PRSS21: variants seen among roughly 807,000 people sequenced by gnomAD.
PRSS21 encodes the protein testisin.
In PRSS21, 40 loss-of-function variants were observed where a neutral mutation model predicts 31.1. The ratio of observed to expected loss-of-function variants is 1.29; its 90% confidence interval spans 1.00 to 1.68. The LOEUF is 1.68. Ranked by LOEUF, PRSS21 falls within the 40% of genes most tolerant of loss-of-function variation. The pLI is 0.00. For synonymous variants in PRSS21, 186 were observed against 167.7 expected (o/e 1.11, Z -0.84); for missense variants, 467 against 412.6 (o/e 1.13, Z -1.14).
chr16:2,821,610 A>T lies in PRSS21; in HGVS notation c.*5A>T. 3 of 1,608,320 alleles carry T rather than the reference A, an allele frequency of 1.9e-6. No homozygotes were observed. The highest frequency in any genetic ancestry group is 2.5e-6 in the Non-Finnish European group (3 of 1,177,202). On this transcript the variant is annotated 3_prime_UTR_variant, in exon 6 of 6. Coordinates refer to ENST00000005995, the MANE Select transcript of PRSS21 (RefSeq NM_006799.4). The stretch of plus-strand genomic sequence containing the variant: ...CCACTCCTGGGGCCGGTCTGAGCCT[A>T]CCTGAGCCCATGCAGCCTGGGGCCA...
chr16:2,818,722 C>A lies in PRSS21; in HGVS notation c.303C>A (p.Gly101=), dbSNP rs374437810. The change falls in exon 4 of 6, where the codon GGC becomes GGA. Residue 101 remains glycine (G), a synonymous_variant. Coordinates refer to ENST00000005995, the MANE Select transcript of PRSS21 (RefSeq NM_006799.4). The part of the protein sequence containing the change: ...SDPSGWMVQF[G]QLTSMPSFWS... ...CCTCCGGGTGGATGGTCCAGTTTGG[C>A]CAGCTGACTTCCATGCCATCCTTCT... 2.5e-6 allele frequency: 4 copies of A among 1,614,058 alleles called. No homozygotes were observed. Among genetic ancestry groups the A allele is most frequent in the African/African-American group, 1.3e-5 (1 of 74,938 alleles).
At position 2,818,680 on chromosome 16, in the gene PRSS21, T is replaced by C. The variant is rs1022728407; in HGVS notation, c.261T>C (p.Tyr87=). The part of the protein sequence containing the change: ...ALTAAHCFET[Y]SDLSDPSGWM... ...CTGCTCTCTTCTCTTCTGCCAGCTA[T>C]AGTGACCTTAGTGATCCCTCCGGGT... is the stretch of plus-strand genomic sequence containing the variant. Residue 87 remains tyrosine (Y), a synonymous_variant, in exon 4 of 6, where the codon TAT becomes TAC. Transcript: ENST00000005995. 2 of 1,613,916 alleles carry C rather than the reference T, an allele frequency of 1.2e-6. No homozygotes were observed. The highest frequency in any genetic ancestry group is 1.7e-6 in the Non-Finnish European group (2 of 1,179,818).
chr16:2,820,014 C>T (rs1466361376), intron 4 of PRSS21, among the ~76,000 whole-genome samples: 1 of 152,182 alleles, frequency 6.6e-6, no homozygotes, highest in Non-Finnish European at 1.5e-5. Context: ...GCTGCCTCTG[C>T]CACCCTCTCT....
chr16:2,817,758 G>A lies in PRSS21; in HGVS notation c.92-43G>A. The A allele has an allele frequency of 2.0e-6, 3 of 1,538,438 alleles. No homozygotes were observed. The highest frequency in any genetic ancestry group is 2.6e-6 in the Non-Finnish European group (3 of 1,140,780). On this transcript the variant is annotated intron_variant, in intron 2 of 5. Coordinates refer to ENST00000005995, the MANE Select transcript of PRSS21 (RefSeq NM_006799.4). This position sits in a 1 kb window ranked among gnomAD's most constrained non-coding sequence, Gnocchi z 4.2. ...GGAGAAAGGGAGAGGTCGGGCTTGG[G>A]GGGCTGCCTCCCGCGGCTCAGCAGT...
chr16:2,821,282 A>G, intron 5 of PRSS21, 84 bp from the exon 6 acceptor site: 1 of 1,563,424 alleles, frequency 6.4e-7, no homozygotes, highest in Non-Finnish European at 8.7e-7. Flanking sequence ...CAGTCTACCC[A>G]GCCCCATAGC....
In PRSS21 at chr16:2,817,613, G is replaced by C; in HGVS notation, c.91+157G>C. 3 of 1,288,438 alleles carry C rather than the reference G, an allele frequency of 2.3e-6. No individual in the cohort carries two copies. Among genetic ancestry groups the C allele is most frequent in the Non-Finnish European group, 3.1e-6 (3 of 953,292 alleles). 79.8% of individuals were successfully genotyped at this position (1,288,438 alleles called of 1,614,324 possible). A position where few individuals can be genotyped will look rare whatever the true frequency, so the allele number is the denominator to read the frequency against. ...GGAAAGTAACTAACGGACGCTGGAG[G>C]GGGATGGGCGGGCCCTGCAGAGCAC... On this transcript the variant is annotated intron_variant, in intron 2 of 5. Coordinates refer to ENST00000005995, the MANE Select transcript of PRSS21 (RefSeq NM_006799.4). This position sits in a 1 kb window ranked among gnomAD's most constrained non-coding sequence, Gnocchi z 4.2.
rs565850374 is a variant in PRSS21 at position 2,820,633 on chromosome 16, C to T, written c.551-322C>T. On this transcript the variant is annotated intron_variant, in intron 4 of 5. Transcript: ENST00000005995. ...TGGCTTTGGATGCTCATCTGAACAC[C>T]GTCTCAGCTGCCTTCGCCCCTCCCT... 2.6e-5 allele frequency among the ~76,000 whole-genome samples: 4 copies of T among 152,308 alleles called. No individual in the cohort carries two copies. In the East Asian group the frequency reaches 7.7e-4, roughly 29 times the overall value.
rs765693159 is a variant in PRSS21, at chr16:2,821,084, C to A, written c.680C>A (p.Ala227Asp). The stretch of plus-strand genomic sequence containing the variant: ...GGAGACATGGTTTGTGCTGGCAATG[C>A]CCAAGGCGGGAAGGATGCCTGCTTC... ...IFGDMVCAGNAQGGKDACFGD... is the reference protein window; with the variant it reads ...IFGDMVCAGNDQGGKDACFGD... The change falls in exon 5 of 6, where the codon GCC (alanine) becomes GAC (aspartate). Residue 227 changes from alanine to aspartate, a missense_variant. Coordinates refer to ENST00000005995, the MANE Select transcript of PRSS21 (RefSeq NM_006799.4). 8.7e-6 allele frequency: 14 copies of A among 1,613,976 alleles called. No individual in the cohort carries two copies. The highest frequency in any genetic ancestry group is 1.2e-5 in the Non-Finnish European group (14 of 1,180,036).
At chr16:2,818,098 C>A in intron 3 of PRSS21, 132 bp downstream of exon 3, 1 of 1,171,276 alleles carries the variant, frequency 8.5e-7, no homozygotes, top group Non-Finnish European at 1.2e-6. Context: ...GCCTGGTGTT[C>A]TCCTGAGCCC....
Position 2,817,836 on chromosome 16 carries a change from G to T in PRSS21, c.127G>T (p.Val43Leu), listed in dbSNP as rs376323578. ...CGRRVITSRI[V>L]GGEDAELGRW... ...CCGACGGGTCATCACGTCGCGCATCGTGGGTGGAGAGGACGCCGAACTCGG... is the reference window on the plus strand; with the variant it reads ...CCGACGGGTCATCACGTCGCGCATCTTGGGTGGAGAGGACGCCGAACTCGG... The change falls in exon 3 of 6, where the codon GTG (valine) becomes TTG (leucine). Residue 43 changes from valine to leucine, a missense_variant. Transcript: ENST00000005995. This position sits in a 1 kb window ranked among gnomAD's most constrained non-coding sequence, Gnocchi z 4.2. 6.4e-7 allele frequency: 1 copy of T among 1,551,292 alleles called. No homozygotes were observed. Among genetic ancestry groups the T allele is most frequent in the Non-Finnish European group, 8.7e-7 (1 of 1,147,538 alleles).
rs1007128468 is a variant in PRSS21, at chr16:2,821,164, C to T, written c.705+55C>T. 9 of 1,602,984 alleles carry T rather than the reference C, an allele frequency of 5.6e-6. No individual in the cohort carries two copies. The African/African-American group carries it at 9.4e-5, about 17-fold the overall frequency. ...AGGAAAGCATCCTGTGTCCCTGTGC[C>T]TTATTTGACCCTCATGCCAACCCCG... On this transcript the variant is annotated intron_variant, in intron 5 of 5. Transcript: ENST00000005995.
At position 2,820,947 on chromosome 16, in the gene PRSS21, C is replaced by T. The variant is rs1419978932; in HGVS notation, c.551-8C>T. Reference sequence around the variant, plus strand: ...CTGTCTCTCTCCTTCCCACTATCGTCCGCACAGCACTGCCATCTCCCCACA... The same window carrying T: ...CTGTCTCTCTCCTTCCCACTATCGTTCGCACAGCACTGCCATCTCCCCACA... On this transcript the variant is annotated splice_region_variant and splice_polypyrimidine_tract_variant and intron_variant, in intron 4 of 5. Transcript: ENST00000005995. 1 of 1,612,644 alleles carries T rather than the reference C, an allele frequency of 6.2e-7. No individual in the cohort carries two copies.
chr16:2,820,810 G>T (rs1045823603), intron 4 of PRSS21, 145 bp from the exon 5 acceptor site: 17 of 799,930 alleles, frequency 2.1e-5, no homozygotes, highest in Admixed American at 1.4e-4. Context: ...GTTGTGCTGG[G>T]GTCTGGGTTG....
At position 2,818,851 on chromosome 16, in the gene PRSS21, T is replaced by A. The variant is rs35976735; in HGVS notation, c.432T>A (p.Ser144=). The change falls in exon 4 of 6, where the codon TCT becomes TCA. Residue 144 remains serine (S), a synonymous_variant. Transcript: ENST00000005995. ...ATGACATTGCCTTGGTGAAGCTGTC[T>A]GCACCTGTCACCTACACTAAACACA... ...SPYDIALVKL[S]APVTYTKHIQ... The A allele has an allele frequency of 2.2e-4, 352 of 1,613,988 alleles. No homozygotes were observed. In the African/African-American group the frequency reaches 3.9e-3, roughly 18 times the overall value.
rs775980230 is a variant in PRSS21 at position 2,818,667 on chromosome 16, C to T, written c.258-10C>T. The T allele has an allele frequency of 8.1e-6, 13 of 1,612,528 alleles. No individual in the cohort carries two copies. In the African/African-American group the frequency reaches 1.3e-4, roughly 17 times the overall value. ...CCAGGGCCCCTGACTGCTCTCTTCT[C>T]TTCTGCCAGCTATAGTGACCTTAGT... On this transcript the variant is annotated splice_polypyrimidine_tract_variant and intron_variant, in intron 3 of 5. Coordinates refer to ENST00000005995, the MANE Select transcript of PRSS21 (RefSeq NM_006799.4).
intron 3 of PRSS21, 127 bp downstream of exon 3, chr16:2,818,093 G>C: frequency 8.2e-7 from 1 of 1,212,946 alleles, no homozygotes; most frequent in East Asian, 2.6e-5. Context: ...ATGCGGCCTG[G>C]TGTTCTCCTG....
At position 2,817,851 on chromosome 16, in the gene PRSS21, G is replaced by A. The variant is rs2150807535; in HGVS notation, c.142G>A (p.Ala48Thr). The A allele has an allele frequency of 1.9e-6, 3 of 1,550,730 alleles. No individual in the cohort carries two copies. Among genetic ancestry groups the A allele is most frequent in the Non-Finnish European group, 2.6e-6 (3 of 1,147,348 alleles). Residue 48 changes from alanine to threonine, a missense_variant, in exon 3 of 6, where the codon GCC becomes ACC. By Grantham distance (58) the Ala-to-Thr change is moderately conservative. Transcript: ENST00000005995. The surrounding 1 kb of genome is among the most constrained non-coding windows in gnomAD (Gnocchi z 4.2). ...ITSRIVGGED[A>T]ELGRWPWQGS... ...GTCGCGCATCGTGGGTGGAGAGGAC[G>A]CCGAACTCGGGCGTTGGCCGTGGCA...
In PRSS21 at chr16:2,817,798, G is replaced by A. The variant is rs1454705401; in HGVS notation, c.92-3G>A. The A allele has an allele frequency of 4.5e-6, 7 of 1,549,354 alleles. No homozygotes were observed. On this transcript the variant is annotated splice_region_variant and splice_polypyrimidine_tract_variant and intron_variant, in intron 2 of 5. Coordinates refer to ENST00000005995, the MANE Select transcript of PRSS21 (RefSeq NM_006799.4). This position sits in a 1 kb window ranked among gnomAD's most constrained non-coding sequence, Gnocchi z 4.2. Reference sequence around the variant, plus strand: ...GGCTCAGCAGTTCCTCTGACCATCCGAGGACCATGCGGCCGACGGGTCATC... The same window carrying A: ...GGCTCAGCAGTTCCTCTGACCATCCAAGGACCATGCGGCCGACGGGTCATC...
At position 2,818,665 on chromosome 16, in the gene PRSS21, C is replaced by T. The variant is rs772636407; in HGVS notation, c.258-12C>T. On this transcript the variant is annotated splice_polypyrimidine_tract_variant and intron_variant, in intron 3 of 5. Coordinates refer to ENST00000005995, the MANE Select transcript of PRSS21 (RefSeq NM_006799.4). Reference sequence around the variant, plus strand: ...ATCCAGGGCCCCTGACTGCTCTCTTCTCTTCTGCCAGCTATAGTGACCTTA... The same window carrying T: ...ATCCAGGGCCCCTGACTGCTCTCTTTTCTTCTGCCAGCTATAGTGACCTTA... 1.2e-6 allele frequency: 2 copies of T among 1,612,182 alleles called. No homozygotes were observed. Among genetic ancestry groups the T allele is most frequent in the Admixed American group, 1.7e-5 (1 of 59,966 alleles).
Sources: allele counts gnomAD v4.1 joint callset (sites outside exome capture counted in the v4.1 genomes callset), GRCh38; gene constraint gnomAD v4.1.1; non-coding constraint Gnocchi (gnomAD v3.1); transcripts MANE v1.5; gene names NCBI Gene and HGNC (gene_info 2026-07-23, HGNC 2026-07-21).